Variants in HAUS7 observed in about 807,000 individuals in gnomAD.
The protein encoded by HAUS7 is HAUS augmin like complex subunit 7, also known as HAUS augmin-like complex subunit 7.
HAUS7 carries 3 observed loss-of-function variants against 28.4 expected under a neutral mutation model. That is an observed-to-expected ratio of 0.11 (90% confidence interval 0.05 to 0.27). HAUS7 has a LOEUF of 0.27. HAUS7 is among the 10% of genes least tolerant of loss of function. The probability of loss-of-function intolerance (pLI) is 1.00; values close to 1 mark genes in which losing one functional copy is unlikely to be tolerated. For missense variants in HAUS7, 284 were observed against 297.3 expected, an observed-to-expected ratio of 0.96 and a Z score of 0.33; for synonymous variants, 165 against 132.1, an observed-to-expected ratio of 1.25 and a Z score of -1.71.
At chrX:153,470,334 G>A (rs782698206) in intron 1 of HAUS7, 116 bp downstream of exon 1, 91 of 725,275 alleles carry the variant, frequency 1.3e-4, no homozygotes, top group Non-Finnish European at 1.7e-4. Context: ...GGGCGCAGCC[G>A]GAACCGGCGA....
intron 8 of HAUS7, 42 bp downstream of exon 8, chrX:153,455,499 CA>C (rs782245548): frequency 1.7e-5 from 15 of 875,033 alleles, no homozygotes; most frequent in Non-Finnish European, 2.0e-5. Context: ...TCTGAGTGAA[CA>C]GGGGAGGGGG....
At chrX:153,464,890 T>C in intron 3 of HAUS7, 98 bp downstream of exon 3, 1 of 598,535 alleles carries the variant, frequency 1.7e-6, no homozygotes, top group Non-Finnish European at 2.9e-6. Flanking sequence ...CCACACAACA[T>C]GCACCACCTA....
intron 4 of HAUS7, among the ~76,000 whole-genome samples, chrX:153,460,438 G>A (rs1345529664): frequency 9.0e-6 from 1 of 111,501 alleles, no homozygotes; most frequent in African/African-American, 3.3e-5. Flanking sequence ...CAAGTTCTGC[G>A]GCTGGATGGT....
rs782089698 is a variant in HAUS7 at position 153,470,503 on chromosome X, C to G, written c.55G>C (p.Glu19Gln). 20 of 1,205,895 alleles carry G rather than the reference C, an allele frequency of 1.7e-5. No homozygotes were observed. The highest frequency in any genetic ancestry group is 2.1e-5 in the Non-Finnish European group (19 of 892,616). The change falls in exon 1 of 10, where the codon GAG (glutamate) becomes CAG (glutamine). Residue 19 changes from glutamate (E) to glutamine (Q), a missense_variant. Physicochemically the swap from Glu to Gln is conservative, Grantham distance 29. Coordinates refer to ENST00000370211, the MANE Select transcript of HAUS7 (RefSeq NM_001385482.1). Reference protein sequence around the residue: ...GRGGDDYSEDEGDSSVSRAAV... With the variant: ...GRGGDDYSEDQGDSSVSRAAV... The stretch of plus-strand genomic sequence containing the variant: ...GCCCTGGACACGCTGCTGTCGCCCT[C>G]GTCCTCTGAGTAGTCGTCGCCGCCA...
chrX:153,472,161 C>A (rs1556985483), upstream of HAUS7, among the ~76,000 whole-genome samples: 1 of 111,018 alleles, frequency 9.0e-6, no homozygotes. Context: ...GGGAAGAAAC[C>A]AGCTCCTGTG....
At chrX:153,485,038 G>A in intron 1 of HAUS7, among the ~76,000 whole-genome samples, 1 of 112,782 alleles carries the variant, frequency 8.9e-6, no homozygotes. Context: ...TTGCACACCT[G>A]CATGGCCACA....
upstream of HAUS7, among the ~76,000 whole-genome samples, chrX:153,471,699 G>T (rs915210044): frequency 4.5e-5 from 5 of 112,297 alleles, no homozygotes; most frequent in African/African-American, 1.3e-4. Flanking sequence ...CAAGTCTATA[G>T]TCAGGGAGAC....
intron 1 of HAUS7, among the ~76,000 whole-genome samples, chrX:153,486,451 A>AG (rs1556988551): frequency 9.0e-6 from 1 of 111,660 alleles, no homozygotes; most frequent in Non-Finnish European, 1.9e-5. Context: ...TCGAGTTGGG[A>AG]GGGGGCCAGG....
upstream of HAUS7, chrX:153,470,879 A>AGGGGC (rs1281383908): frequency 8.9e-6 from 3 of 337,783 alleles, no homozygotes; most frequent in African/African-American, 8.3e-5. Context: ...GACACCGGGA[A>AGGGGC]GGGGCGGGGC....
At chrX:153,466,285 G>A (rs2089454066) in intron 2 of HAUS7, among the ~76,000 whole-genome samples, 1 of 112,818 alleles carries the variant, frequency 8.9e-6, no homozygotes, top group South Asian at 3.7e-4. Context: ...CACTGTGCAA[G>A]GGCGGGCACA....
At chrX:153,480,334 C>G (rs1213547907) in intron 1 of HAUS7, among the ~76,000 whole-genome samples, 1 of 109,876 alleles carries the variant, frequency 9.1e-6, no homozygotes, top group African/African-American at 3.3e-5. Flanking sequence ...CCACCCACCC[C>G]CCTCCCCAGC....
At chrX:153,480,684 A>AC (rs2089594225) in intron 1 of HAUS7, 1 of 751,792 alleles carries the variant, frequency 1.3e-6, no homozygotes, top group South Asian at 6.9e-5. Flanking sequence ...AGCTCAAGGA[A>AC]CCCCCACCCA....
intron 1 of HAUS7, among the ~76,000 whole-genome samples, chrX:153,488,451 G>A (rs782091768): frequency 7.2e-4 from 81 of 112,923 alleles, no homozygotes; most frequent in Non-Finnish European, 1.2e-3. Context: ...TTCCATGGCC[G>A]ATTCCCCCTA....
At chrX:153,484,133 T>C (rs1359438263) in intron 1 of HAUS7, among the ~76,000 whole-genome samples, 1 of 112,085 alleles carries the variant, frequency 8.9e-6, no homozygotes, top group African/African-American at 3.2e-5. Context: ...CAGGTGTTCC[T>C]GGGCTTGTGG....
At chrX:153,466,646 G>A (rs181993350) in intron 2 of HAUS7, among the ~76,000 whole-genome samples, 16 of 112,589 alleles carry the variant, frequency 1.4e-4, no homozygotes, top group Admixed American at 1.3e-3. Context: ...TGATTCTCCT[G>A]TAGGACCCTC....
At chrX:153,481,398 A>C in intron 1 of HAUS7, 1 of 754,402 alleles carries the variant, frequency 1.3e-6, no homozygotes, top group Non-Finnish European at 1.6e-6. Flanking sequence ...TCCGGCGCCC[A>C]CAGAAGGACC....
At chrX:153,481,355 C>T in intron 1 of HAUS7, 3 of 754,871 alleles carry the variant, frequency 4.0e-6, no homozygotes, top group Non-Finnish European at 4.7e-6. Flanking sequence ...GTCTCTCTTC[C>T]TCCAGGGACC....
chrX:153,481,238 C>T lies in HAUS7; in HGVS notation c.-588-10093G>A, dbSNP rs1276394041. The stretch of plus-strand genomic sequence containing the variant: ...GTGCCAAGGGGAGGGGTCCCAGTAA[C>T]CTGTCGCTCCAACCCAGGCTGGCTG... On this transcript the variant is annotated intron_variant, in intron 1 of 5. Transcript: ENST00000370210. The T allele has an allele frequency of 5.5e-6, 3 of 544,140 alleles. No individual in the cohort carries two copies. In the African/African-American group the frequency reaches 8.8e-5, roughly 16 times the overall value. 44.8% of individuals were successfully genotyped at this position (544,140 alleles called of 1,213,427 possible). A position where few individuals can be genotyped will look rare whatever the true frequency, so the allele number is the denominator to read the frequency against.
chrX:153,450,805 C>T (rs1312826976), intron 9 of HAUS7, among the ~76,000 whole-genome samples: 3 of 112,181 alleles, frequency 2.7e-5, no homozygotes, highest in Non-Finnish European at 5.6e-5. Flanking sequence ...GCATGCAGAT[C>T]GCTGGGAGGT....
Sources: allele counts gnomAD v4.1 joint callset (sites outside exome capture counted in the v4.1 genomes callset), GRCh38; gene constraint gnomAD v4.1.1; transcripts MANE v1.5; gene names NCBI Gene and HGNC (gene_info 2026-07-23, HGNC 2026-07-21).